The following PEAK1 variants were observed in gnomAD, a reference collection of about 807,000 sequenced individuals.
PEAK1 encodes the protein inactive tyrosine-protein kinase PEAK1.
Under a neutral mutation model 124.7 loss-of-function variants are expected in PEAK1, and 54 were observed. That is an observed-to-expected ratio of 0.43 (90% confidence interval 0.35 to 0.54). The LOEUF (loss-of-function observed/expected upper bound fraction) is 0.54. Ranked by LOEUF, PEAK1 falls within the 20% of genes least tolerant of loss-of-function variation. The pLI is 0.01. For missense variants in PEAK1, 2,046 were observed against 2,134.5 expected (o/e 0.96, Z 0.82); for synonymous variants, 719 against 760.0 (o/e 0.95, Z 0.89).
rs542680639 is a variant in PEAK1, at chr15:77,347,701, C to T, written c.-603+17462G>A. ...CTAAAACAGAAATTTTTAGAAATTA[C>T]AGAAAATATTTCCATGTTTAAAACT... is the stretch of plus-strand genomic sequence containing the variant. On this transcript the variant is annotated intron_variant, in intron 2 of 9. Transcript: ENST00000682557. 134 of 972,294 alleles carry T rather than the reference C, an allele frequency of 1.4e-4. No individual in the cohort carries two copies. The African/African-American group carries it at 2.2e-3, about 16-fold the overall frequency. The allele number at this position is 972,294 out of a possible 1,614,324, so 60.2% of individuals were successfully genotyped here. A position where few individuals can be genotyped will look rare whatever the true frequency, so the allele number is the denominator to read the frequency against.
chr15:77,122,137 A>T (rs1028522900), intron 9 of PEAK1, among the ~76,000 whole-genome samples: 1 of 152,176 alleles, frequency 6.6e-6, no homozygotes, highest in African/African-American at 2.4e-5. Context: ...TTAAGTGTTT[A>T]ATATATAAAA....
At chr15:77,245,579 G>C (rs907787058) in intron 6 of PEAK1, among the ~76,000 whole-genome samples, 5 of 151,728 alleles carry the variant, frequency 3.3e-5, no homozygotes, top group African/African-American at 1.2e-4. Flanking sequence ...CACACCTGTA[G>C]TCCCAGCTAC....
chr15:77,218,781 T>C (rs902385589), intron 6 of PEAK1, among the ~76,000 whole-genome samples: 3 of 152,140 alleles, frequency 2.0e-5, no homozygotes, highest in African/African-American at 7.2e-5. Context: ...CAGTTTCTCT[T>C]TTCTGATTCA....
At chr15:77,221,176 C>A (rs939347849) in intron 6 of PEAK1, among the ~76,000 whole-genome samples, 1 of 152,096 alleles carries the variant, frequency 6.6e-6, no homozygotes, top group African/African-American at 2.4e-5. Flanking sequence ...CATAAACTTT[C>A]CACTCTGTCA....
chr15:77,129,371 C>T (rs2052650545), intron 9 of PEAK1, among the ~76,000 whole-genome samples: 1 of 152,042 alleles, frequency 6.6e-6, no homozygotes, highest in Admixed American at 6.6e-5. Context: ...TACTCTATGA[C>T]TGCAGTGGAT....
rs544202989 is a variant in PEAK1 at position 77,259,581 on chromosome 15, T to C, written c.-274-7055A>G. Among the ~76,000 whole-genome samples, 196 of 152,294 alleles carry C rather than the reference T, an allele frequency of 1.3e-3. 1 individual carries two copies. Among genetic ancestry groups the C allele is most frequent in the African/African-American group, 4.6e-3 (190 of 41,562 alleles). ...GAGCTTCTGAATTCTGCAAAGGTGT[T>C]AGCCTTAAAACCTATTCTACAATAA... On this transcript the variant is annotated intron_variant, in intron 5 of 9. Transcript: ENST00000682557.
chr15:77,400,772 T>C (rs1597611009), intron 1 of PEAK1, among the ~76,000 whole-genome samples: 1 of 152,236 alleles, frequency 6.6e-6, no homozygotes, highest in Middle Eastern at 3.4e-3. Flanking sequence ...ACTACAGTGC[T>C]TGGAAAGATA....
At chr15:77,359,336 G>A (rs918981420) in intron 2 of PEAK1, among the ~76,000 whole-genome samples, 13 of 151,744 alleles carry the variant, frequency 8.6e-5, no homozygotes, top group African/African-American at 2.9e-4. Flanking sequence ...GCTACTTGAG[G>A]GGCAGAGGCA....
downstream of PEAK1, chr15:77,107,793 G>A (rs1325799251): frequency 6.6e-6 from 1 of 152,292 alleles, no homozygotes; most frequent in Non-Finnish European, 1.5e-5. Context: ...GGGTCAGCCA[G>A]AGCCAGCTAA....
At chr15:77,402,119 A>G (rs1009671546) in intron 1 of PEAK1, 274 of 920,840 alleles carry the variant, frequency 3.0e-4, no homozygotes, top group Non-Finnish European at 3.5e-4. Flanking sequence ...TAATTGTTTC[A>G]ACCCGGGAGG....
At chr15:77,144,553 G>C (rs2054032985) in intron 8 of PEAK1, among the ~76,000 whole-genome samples, 1 of 152,230 alleles carries the variant, frequency 6.6e-6, no homozygotes, top group Non-Finnish European at 1.5e-5. Flanking sequence ...CTGAGAGACA[G>C]AGTCAACAGA....
rs77370830 is a variant in PEAK1 at position 77,285,683 on chromosome 15, T to C, written c.-520-628A>G. Among the ~76,000 whole-genome samples, 1,111 of 152,336 alleles carry C rather than the reference T, an allele frequency of 7.3e-3. 15 individuals are homozygous for C. Among genetic ancestry groups the C allele is most frequent in the African/African-American group, 0.025 (1,055 of 41,564 alleles). On this transcript the variant is annotated intron_variant, in intron 3 of 9. Coordinates refer to ENST00000682557, the MANE Select transcript of PEAK1 (RefSeq NM_001385026.1). The stretch of plus-strand genomic sequence containing the variant: ...ATAATTTTGTCTTTCATATTCATAG[T>C]TAAGTTGCTAATCATTTGATATCCC...
chr15:77,317,417 TTC>T (rs1187264236), intron 2 of PEAK1, among the ~76,000 whole-genome samples: 1 of 152,178 alleles, frequency 6.6e-6, no homozygotes, highest in Non-Finnish European at 1.5e-5. Flanking sequence ...CAGTTAATAA[TTC>T]AGTATATTTC....
intron 8 of PEAK1, among the ~76,000 whole-genome samples, chr15:77,151,613 A>G (rs1463092693): frequency 6.6e-6 from 1 of 152,132 alleles, no homozygotes; most frequent in South Asian, 2.1e-4. Flanking sequence ...GGTATTGCCT[A>G]GGTTTTCTTC....
At chr15:77,258,877 C>G (rs1226411921) in intron 5 of PEAK1, among the ~76,000 whole-genome samples, 1 of 152,048 alleles carries the variant, frequency 6.6e-6, no homozygotes, top group Non-Finnish European at 1.5e-5. Context: ...ATAGATAGCT[C>G]TTATTATTTT....
intron 9 of PEAK1, among the ~76,000 whole-genome samples, chr15:77,130,922 G>A (rs1435901026): frequency 6.6e-6 from 1 of 152,166 alleles, no homozygotes; most frequent in African/African-American, 2.4e-5. Context: ...CCAAACAACA[G>A]CTCCATAAGA....
chr15:77,313,157 AT>A (rs1053211452), intron 2 of PEAK1, among the ~76,000 whole-genome samples: 2 of 152,124 alleles, frequency 1.3e-5, no homozygotes, highest in African/African-American at 4.8e-5. Context: ...GTGTCAGAAA[AT>A]TTTTTAAATG....
At chr15:77,197,934 A>T (rs866441064) in intron 6 of PEAK1, among the ~76,000 whole-genome samples, 33 of 151,738 alleles carry the variant, frequency 2.2e-4, no homozygotes, top group Non-Finnish European at 2.6e-4. Flanking sequence ...TAGAAATATT[A>T]AAAAAATTAT....
At chr15:77,362,653 G>C (rs2067967988) in intron 2 of PEAK1, among the ~76,000 whole-genome samples, 1 of 152,256 alleles carries the variant, frequency 6.6e-6, no homozygotes, top group East Asian at 1.9e-4. Flanking sequence ...CCATTCTACT[G>C]TTAGGTATAT....
Sources: allele counts gnomAD v4.1 joint callset (sites outside exome capture counted in the v4.1 genomes callset), GRCh38; gene constraint gnomAD v4.1.1; transcripts MANE v1.5; gene names NCBI Gene and HGNC (gene_info 2026-07-23, HGNC 2026-07-21).